Variants in KCNH7 observed in about 807,000 individuals in gnomAD.
The protein encoded by KCNH7 is voltage-gated inwardly rectifying potassium channel KCNH7.
KCNH7 carries 49 observed loss-of-function variants against 120.8 expected under a neutral mutation model. That is an observed-to-expected ratio of 0.41 (90% CI 0.32 to 0.51). The LOEUF (loss-of-function observed/expected upper bound fraction) is 0.51. Among genes scored for constraint, KCNH7 ranks in the 20% least tolerant of loss-of-function variants. KCNH7 has a pLI of 0.38. For missense variants in KCNH7, 1,097 were observed against 1,446.6 expected, an observed-to-expected ratio of 0.76 and a Z score of 3.92; for synonymous variants, 547 against 516.1, an observed-to-expected ratio of 1.06 and a Z score of -0.81.
At chr2:162,492,865 GTTTTTTTTTTTTTTTTTT>G (rs67006443) in intron 6 of KCNH7, among the ~76,000 whole-genome samples, 1 of 57,180 alleles carries the variant, frequency 1.7e-5, no homozygotes, top group African/African-American at 5.7e-5. Flanking sequence ...CTTGGATCTT[GTTTTTTTTTTTTTTTTTT>G]TTTTTTTTTG....
intron 2 of KCNH7, among the ~76,000 whole-genome samples, chr2:162,629,281 G>A (rs570407886): frequency 5.2e-4 from 79 of 152,176 alleles, no homozygotes; most frequent in African/African-American, 1.8e-3. Flanking sequence ...AGAGAATTGC[G>A]TAACAGAGCC....
chr2:162,475,438 C>T (rs147848502), intron 6 of KCNH7, among the ~76,000 whole-genome samples: 82 of 152,312 alleles, frequency 5.4e-4, no homozygotes, highest in African/African-American at 1.9e-3. Context: ...TTGCCTTCCC[C>T]GTCTCCACCC....
intron 2 of KCNH7, among the ~76,000 whole-genome samples, chr2:162,660,064 TA>T (rs1574233331): frequency 6.6e-6 from 1 of 152,172 alleles, no homozygotes; most frequent in African/African-American, 2.4e-5. Context: ...TTGCTCACTT[TA>T]AAAAACCAGC....
At chr2:162,767,656 G>A (rs1682874095) in intron 2 of KCNH7, among the ~76,000 whole-genome samples, 1 of 151,998 alleles carries the variant, frequency 6.6e-6, no homozygotes, top group Non-Finnish European at 1.5e-5. Context: ...ACAGAAGGCT[G>A]TTTTTATTAT....
chr2:162,471,639 TATC>T (rs1381753436), intron 6 of KCNH7, among the ~76,000 whole-genome samples: 3 of 152,274 alleles, frequency 2.0e-5, no homozygotes, highest in East Asian at 1.9e-4. Context: ...GGAAGAATAA[TATC>T]ATGAAAATGG....
chr2:162,509,417 T>C (rs1690991319), intron 5 of KCNH7, among the ~76,000 whole-genome samples: 1 of 151,550 alleles, frequency 6.6e-6, no homozygotes. Flanking sequence ...ATTTGTACAA[T>C]ATATCTTAGG....
rs75466094 is a variant in KCNH7, at chr2:162,457,697, T to G, written c.1129-11254A>C. Among the ~76,000 whole-genome samples the G allele has an allele frequency of 3.0e-3, 451 of 152,290 alleles. 1 individual carries two copies. The highest frequency in any genetic ancestry group is 0.01 in the African/African-American group (420 of 41,578). ...TTTTGGCAGCTGTTAAACGCCATGA[T>G]GAGGTGTTGGTTGAAGCTGCTCATC... On this transcript the variant is annotated intron_variant, in intron 6 of 15. Coordinates refer to ENST00000332142, the MANE Select transcript of KCNH7 (RefSeq NM_033272.4).
At position 162,446,357 on chromosome 2, in the gene KCNH7, A is replaced by T; in HGVS notation, c.1215T>A (p.Pro405=). ...TAAGCCAGTCCCAGACTGCCTTGAA[A>T]GGGCTGTAGTGCAATATCGTAAACT... The part of the protein sequence containing the change: ...INKFTILHYS[P]FKAVWDWLIL... Residue 405 remains proline, a synonymous_variant, in exon 7 of 16, where the codon CCT becomes CCA. Coordinates refer to ENST00000332142, the MANE Select transcript of KCNH7 (RefSeq NM_033272.4). 1 of 1,613,814 alleles carries T rather than the reference A, an allele frequency of 6.2e-7. No individual in the cohort carries two copies. Among genetic ancestry groups the T allele is most frequent in the Non-Finnish European group, 8.5e-7 (1 of 1,179,790 alleles).
At chr2:162,423,157 A>T in intron 9 of KCNH7, 179 bp downstream of exon 9, 1 of 1,315,686 alleles carries the variant, frequency 7.6e-7, no homozygotes, top group Non-Finnish European at 1.0e-6. Flanking sequence ...ATAACTAGAT[A>T]TAGCACCATG....
intron 6 of KCNH7, among the ~76,000 whole-genome samples, chr2:162,459,149 A>G (rs1168728134): frequency 6.6e-6 from 1 of 151,784 alleles, no homozygotes; most frequent in Non-Finnish European, 1.5e-5. Flanking sequence ...ATTTTCCAAA[A>G]GAGTACAAGA....
intron 9 of KCNH7, among the ~76,000 whole-genome samples, chr2:162,419,844 T>G (rs1247020653): frequency 6.6e-6 from 1 of 152,194 alleles, no homozygotes; most frequent in Admixed American, 6.5e-5. Flanking sequence ...TTTTCATTAC[T>G]GTGGTAGTGT....
intron 2 of KCNH7, among the ~76,000 whole-genome samples, chr2:162,782,625 A>C (rs1287421077): frequency 6.6e-6 from 1 of 152,214 alleles, no homozygotes. Context: ...TTTGGCTTTA[A>C]TAATGAGGAT....
At chr2:162,620,662 A>G (rs534187668) in intron 2 of KCNH7, among the ~76,000 whole-genome samples, 4 of 152,240 alleles carry the variant, frequency 2.6e-5, no homozygotes, top group Non-Finnish European at 4.4e-5. Flanking sequence ...TCTGCCAATT[A>G]TCTTTTTTAT....
At chr2:162,751,701 T>C (rs890181981) in intron 2 of KCNH7, among the ~76,000 whole-genome samples, 1 of 152,022 alleles carries the variant, frequency 6.6e-6, no homozygotes, top group South Asian at 2.1e-4. Context: ...TTAAGCTTGA[T>C]TAAATATTAT....
chr2:162,653,731 C>T (rs1173894154), intron 2 of KCNH7, among the ~76,000 whole-genome samples: 2 of 152,114 alleles, frequency 1.3e-5, no homozygotes, highest in African/African-American at 4.8e-5. Flanking sequence ...AGGCATCACA[C>T]TACTTGACTT....
At chr2:162,588,855 T>C (rs1320053172) in intron 2 of KCNH7, among the ~76,000 whole-genome samples, 1 of 152,088 alleles carries the variant, frequency 6.6e-6, no homozygotes, top group Non-Finnish European at 1.5e-5. Flanking sequence ...TTTTGTGTCC[T>C]TTAACAAAAT....
rs771877446 is a variant in KCNH7, at chr2:162,517,818, A to G, written c.804T>C (p.Cys268=). ...GGACCGAAGATGCTCTCCGTATACT[A>G]CATAAGCTTTCCCTTGATCTGGAAT... ...LSHSRSRESL[C]SIRRASSVHD... The change falls in exon 4 of 16, where the codon TGT becomes TGC. Residue 268 remains cysteine, a synonymous_variant. Coordinates refer to ENST00000332142, the MANE Select transcript of KCNH7 (RefSeq NM_033272.4). 18 of 1,612,322 alleles carry G rather than the reference A, an allele frequency of 1.1e-5. No homozygotes were observed. Among genetic ancestry groups the G allele is most frequent in the Non-Finnish European group, 1.4e-5 (17 of 1,178,834 alleles).
chr2:162,821,892 A>T (rs1685132479), intron 2 of KCNH7, among the ~76,000 whole-genome samples: 1 of 151,848 alleles, frequency 6.6e-6, no homozygotes, highest in Non-Finnish European at 1.5e-5. Context: ...AGGAACTTTT[A>T]CTTTCAGACA....
chr2:162,514,481 C>T lies in KCNH7; in HGVS notation c.893-1807G>A, dbSNP rs542486704. ...ACATTACATTATATAGTTATTACAG[C>T]TTTGACCTTCCAAGGCAGAGTGTGG... On this transcript the variant is annotated intron_variant, in intron 4 of 15. Coordinates refer to ENST00000332142, the MANE Select transcript of KCNH7 (RefSeq NM_033272.4). Among the ~76,000 whole-genome samples, 5 of 151,898 alleles carry T rather than the reference C, an allele frequency of 3.3e-5. No homozygotes were observed. In the East Asian group the frequency reaches 9.8e-4, roughly 30 times the overall value.
Sources: gnomAD v4.1 joint callset for allele counts (sites outside exome capture counted in the v4.1 genomes callset) on GRCh38, gnomAD v4.1.1 for gene constraint, MANE v1.5 for transcripts, NCBI Gene and HGNC (gene_info 2026-07-23, HGNC 2026-07-21) for gene names.